Variants in GAS7 observed in about 807,000 individuals in gnomAD.
The protein encoded by GAS7 is growth arrest specific 7.
GAS7 carries 28 observed loss-of-function variants against 71.1 expected under a neutral mutation model. That is an observed-to-expected ratio of 0.39 (90% CI 0.29 to 0.54). The LOEUF is 0.54. Ranked by LOEUF, GAS7 falls within the 20% of genes least tolerant of loss-of-function variation. The probability of loss-of-function intolerance (pLI) is 0.62; values close to 1 mark genes in which losing one functional copy is unlikely to be tolerated. For synonymous variants in GAS7, 258 were observed against 245.8 expected, an observed-to-expected ratio of 1.05 and a Z score of -0.46; for missense variants, 436 against 627.8, an observed-to-expected ratio of 0.69 and a Z score of 3.27.
intron 1 of GAS7, among the ~76,000 whole-genome samples, chr17:10,171,562 G>T (rs1423488467): frequency 1.3e-5 from 2 of 152,196 alleles, no homozygotes; most frequent in Admixed American, 6.5e-5. Flanking sequence ...ATTCTAAGAC[G>T]CTAGGGGGAA....
chr17:9,910,885 C>T lies in GAS7; in HGVS notation c.*6343G>A, dbSNP rs9545. On this transcript the variant is annotated 3_prime_UTR_variant, in exon 14 of 14. Transcript: ENST00000432992. The stretch of plus-strand genomic sequence containing the variant: ...CAATGTGGAGGAAACACATTCATAC[C>T]GGGGTGAGGAGTGCTGGCGGGAGAC... 8.7e-6 allele frequency: 2 copies of T among 228,656 alleles called. No individual in the cohort carries two copies. The highest frequency in any genetic ancestry group is 1.7e-5 in the Non-Finnish European group (2 of 115,172). The allele number at this position is 228,656 out of a possible 1,614,324, so 14.2% of individuals were successfully genotyped here.
rs551739969 is a variant in GAS7, at chr17:9,943,444, A to T, written c.616-208T>A. Among the ~76,000 whole-genome samples, 3 of 152,218 alleles carry T rather than the reference A, an allele frequency of 2.0e-5. No individual in the cohort carries two copies. In the East Asian group the frequency reaches 5.8e-4, roughly 29 times the overall value. On this transcript the variant is annotated intron_variant, in intron 6 of 13. Coordinates refer to ENST00000432992, the MANE Select transcript of GAS7 (RefSeq NM_201433.2). ...CGCTTTCTGATGCTCAGGCTCTTAC[A>T]GTTGCTGCATCCCCACATCCAAGCC...
At chr17:10,129,416 T>C (rs1339493725) in intron 1 of GAS7, among the ~76,000 whole-genome samples, 2 of 152,078 alleles carry the variant, frequency 1.3e-5, no homozygotes, top group East Asian at 1.9e-4. Flanking sequence ...ATGCCTGTAG[T>C]CCCAGCTACT....
chr17:10,129,136 C>T (rs1406507895), intron 1 of GAS7, among the ~76,000 whole-genome samples: 6 of 152,234 alleles, frequency 3.9e-5, no homozygotes, highest in South Asian at 2.1e-4. Flanking sequence ...CAAACTGCTG[C>T]GATGAGAGAT....
At chr17:10,163,728 C>T (rs1200825102) in intron 1 of GAS7, among the ~76,000 whole-genome samples, 2 of 152,072 alleles carry the variant, frequency 1.3e-5, no homozygotes, top group Non-Finnish European at 2.9e-5. Flanking sequence ...CAGCAAGCCC[C>T]CAAGACTTTC....
In GAS7 at chr17:10,019,788, G is replaced by C; in HGVS notation, c.293C>G (p.Thr98Arg). The change falls in exon 2 of 14, where the codon ACG (threonine) becomes AGG (arginine). Residue 98 changes from threonine to arginine, a missense_variant. By Grantham distance (71) the Thr-to-Arg change is moderately conservative. Transcript: ENST00000432992. ...SPQGRRYYVNTTTNETTWERP... is the reference protein window; with the variant it reads ...SPQGRRYYVNRTTNETTWERP... ...CGAGCGGGACTCACCATTGGTGGTCGTGTTGACATAGTACCGCCGGCCCTG... is the reference window on the plus strand; with the variant it reads ...CGAGCGGGACTCACCATTGGTGGTCCTGTTGACATAGTACCGCCGGCCCTG... 1 of 1,613,754 alleles carries C rather than the reference G, an allele frequency of 6.2e-7. No individual in the cohort carries two copies. Among genetic ancestry groups the C allele is most frequent in the Non-Finnish European group, 8.5e-7 (1 of 1,179,842 alleles).
chr17:10,015,266 T>C (rs868822668), intron 2 of GAS7, among the ~76,000 whole-genome samples: 44 of 152,320 alleles, frequency 2.9e-4, no homozygotes, highest in South Asian at 1.2e-3. Context: ...GAACACCTAT[T>C]ATCCCCAGGC....
At chr17:10,095,061 G>A (rs1040070233) in intron 1 of GAS7, among the ~76,000 whole-genome samples, 1 of 152,112 alleles carries the variant, frequency 6.6e-6, no homozygotes, top group Non-Finnish European at 1.5e-5. Context: ...GATGGCCTAG[G>A]TTCAAGTCCC....
intron 1 of GAS7, among the ~76,000 whole-genome samples, chr17:10,170,205 T>G (rs1179104997): frequency 6.6e-6 from 1 of 151,974 alleles, no homozygotes; most frequent in Non-Finnish European, 1.5e-5. Flanking sequence ...GAGTGATCCT[T>G]GTAAACATCC....
At position 10,138,766 on chromosome 17, in the gene GAS7, C is replaced by CA. The variant is rs982661548; in HGVS notation, c.183+59441dup. The stretch of plus-strand genomic sequence containing the variant: ...TGGGCGACACAGAGAGACTCCGTCT[C>CA]AAAAAAAAACAAAAACAAAACAAAA... On this transcript the variant is annotated intron_variant, in intron 1 of 13. Coordinates refer to ENST00000432992, the MANE Select transcript of GAS7 (RefSeq NM_201433.2). Among the ~76,000 whole-genome samples the CA allele has an allele frequency of 2.9e-3, 425 of 148,132 alleles. 1 individual carries two copies. The highest frequency in any genetic ancestry group is 0.01 in the Middle Eastern group (3 of 290).
intron 1 of GAS7, among the ~76,000 whole-genome samples, chr17:10,021,602 G>A (rs1040000304): frequency 3.9e-5 from 6 of 152,204 alleles, no homozygotes; most frequent in Non-Finnish European, 7.3e-5. Flanking sequence ...GATTCCGTAT[G>A]GAAGACTGTC....
At chr17:10,049,609 CTTTTTTTTT>C (rs1168627510) in intron 1 of GAS7, among the ~76,000 whole-genome samples, 19 of 70,388 alleles carry the variant, frequency 2.7e-4, no homozygotes, top group Non-Finnish European at 4.4e-4. Context: ...GAAATTACTT[CTTTTTTTTT>C]TTTTTTTTTT....
At chr17:10,163,851 T>C (rs1033491302) in intron 1 of GAS7, among the ~76,000 whole-genome samples, 1 of 152,220 alleles carries the variant, frequency 6.6e-6, no homozygotes, top group Non-Finnish European at 1.5e-5. Flanking sequence ...AGTCCTCACC[T>C]GTCAAATGAA....
intron 1 of GAS7, among the ~76,000 whole-genome samples, chr17:10,175,037 GGTCTCACTAT>G (rs1202127318): frequency 6.6e-6 from 1 of 152,022 alleles, no homozygotes; most frequent in Non-Finnish European, 1.5e-5. Context: ...TAGAGATGGG[GGTCTCACTAT>G]GTTGCCCAGG....
chr17:10,119,161 T>A (rs1309299954), intron 1 of GAS7, among the ~76,000 whole-genome samples: 5 of 152,022 alleles, frequency 3.3e-5, no homozygotes, highest in Non-Finnish European at 7.4e-5. Flanking sequence ...CTAAACACAA[T>A]AAAAAAGTGA....
rs748682530 is a variant in GAS7 at position 9,911,830 on chromosome 17, G to A, written c.*5398C>T. The A allele has an allele frequency of 7.8e-5, 18 of 231,532 alleles. No homozygotes were observed. Among genetic ancestry groups the A allele is most frequent in the South Asian group, 1.8e-4 (1 of 5,512 alleles). The allele number at this position is 231,532 out of a possible 1,614,324, so 14.3% of individuals were successfully genotyped here. A position where few individuals can be genotyped will look rare whatever the true frequency, so the allele number is the denominator to read the frequency against. ...CATAGAGAGGTACCCAACTGGTCTC[G>A]GGACTCACCTTTCACTGAGCAGGGG... is the stretch of plus-strand genomic sequence containing the variant. On this transcript the variant is annotated 3_prime_UTR_variant, in exon 14 of 14. Transcript: ENST00000432992. This position sits in a 1 kb window ranked among gnomAD's most constrained non-coding sequence, Gnocchi z 4.0.
At chr17:9,921,414 G>A (rs57434560) in intron 11 of GAS7, among the ~76,000 whole-genome samples, 41,405 of 151,848 alleles carry the variant, frequency 0.27, 5,724 homozygotes, top group Non-Finnish European at 0.29. Flanking sequence ...CTCAGCCTCC[G>A]AAATGCAAAT....
At chr17:10,046,085 G>A (rs776781725) in intron 1 of GAS7, among the ~76,000 whole-genome samples, 1 of 152,090 alleles carries the variant, frequency 6.6e-6, no homozygotes, top group Non-Finnish European at 1.5e-5. Context: ...ACTGTCTCTG[G>A]CTACACATCA....
chr17:10,015,687 T>C (rs1436515627), intron 2 of GAS7, among the ~76,000 whole-genome samples: 1 of 152,190 alleles, frequency 6.6e-6, no homozygotes, highest in African/African-American at 2.4e-5. Context: ...ATAGCTGCTT[T>C]CCTTCTCCCT....
Sources: allele counts gnomAD v4.1 joint callset (sites outside exome capture counted in the v4.1 genomes callset), GRCh38; gene constraint gnomAD v4.1.1; non-coding constraint Gnocchi (gnomAD v3.1); transcripts MANE v1.5; gene names NCBI Gene and HGNC (gene_info 2026-07-23, HGNC 2026-07-21).